The following NRG3 variants were observed in gnomAD, a reference collection of about 807,000 sequenced individuals.
NRG3 encodes pro-neuregulin-3, membrane-bound isoform.
In NRG3, 31 loss-of-function variants were observed where a neutral mutation model predicts 66.9. The ratio of observed to expected loss-of-function variants is 0.46; its 90% CI spans 0.35 to 0.63. NRG3 has a LOEUF of 0.63. Ranked by LOEUF, NRG3 falls within the 20% of genes least tolerant of loss-of-function variation. The pLI is 0.00. For missense variants in NRG3, 910 were observed against 878.9 expected (o/e 1.04, Z -0.45); for synonymous variants, 393 against 359.4 (o/e 1.09, Z -1.06).
chr10:82,675,206 C>T (rs561576236), intron 2 of NRG3, among the ~76,000 whole-genome samples: 1 of 152,220 alleles, frequency 6.6e-6, no homozygotes, highest in East Asian at 1.9e-4. Flanking sequence ...GTCCGCCCAC[C>T]TCGGCCTCCC....
chr10:82,872,235 T>C (rs1490950870), intron 4 of NRG3, among the ~76,000 whole-genome samples: 1 of 152,178 alleles, frequency 6.6e-6, no homozygotes, highest in Non-Finnish European at 1.5e-5. Flanking sequence ...CAACTTTGCA[T>C]ACCTGAGATA....
At chr10:82,336,376 A>G (rs2082386637) in intron 1 of NRG3, among the ~76,000 whole-genome samples, 1 of 152,160 alleles carries the variant, frequency 6.6e-6, no homozygotes, top group East Asian at 1.9e-4. Flanking sequence ...AGGGGAGCTC[A>G]TGGCTTCCAC....
Position 82,965,288 on chromosome 10 carries a change from T to C in NRG3, c.1284+6213T>C, listed in dbSNP as rs952710469. On this transcript the variant is annotated intron_variant, in intron 6 of 8. Coordinates refer to ENST00000372141, the MANE Select transcript of NRG3 (RefSeq NM_001010848.4). ...AATAACATAGAATCAACTGCCAGGC[T>C]TTGTAACATTGTAGAGGATGCTAAT... Among the ~76,000 whole-genome samples, 3 of 152,250 alleles carry C rather than the reference T, an allele frequency of 2.0e-5. No individual in the cohort carries two copies. The Middle Eastern group carries it at 0.01, about 521-fold the overall frequency.
At chr10:82,768,249 C>G (rs1248536796) in intron 3 of NRG3, among the ~76,000 whole-genome samples, 2 of 152,148 alleles carry the variant, frequency 1.3e-5, no homozygotes, top group Admixed American at 1.3e-4. Context: ...TTTTTAGTCT[C>G]AGACTTCTCT....
chr10:82,379,363 C>T (rs1035986477), intron 2 of NRG3, among the ~76,000 whole-genome samples: 1 of 151,938 alleles, frequency 6.6e-6, no homozygotes, highest in Admixed American at 6.6e-5. Context: ...GACAGAGGAG[C>T]AGCACTATTT....
intron 4 of NRG3, among the ~76,000 whole-genome samples, chr10:82,914,668 T>C (rs1591938956): frequency 6.6e-6 from 1 of 152,048 alleles, no homozygotes; most frequent in East Asian, 1.9e-4. Context: ...GGAAAGAAAG[T>C]GTTTTATTAT....
chr10:82,234,692 G>A (rs925828020), intron 1 of NRG3, among the ~76,000 whole-genome samples: 2 of 152,212 alleles, frequency 1.3e-5, no homozygotes, highest in Non-Finnish European at 2.9e-5. Flanking sequence ...AGCTACAGCA[G>A]GGACAGCATC....
intron 1 of NRG3, among the ~76,000 whole-genome samples, chr10:82,208,666 T>G (rs1252071561): frequency 1.3e-5 from 2 of 151,826 alleles, no homozygotes; most frequent in Non-Finnish European, 2.9e-5. Flanking sequence ...AAAAAAAAAC[T>G]ACAGGAACGT....
chr10:82,540,852 G>T lies in NRG3; in HGVS notation c.953+181984G>T, dbSNP rs892253039. Reference sequence around the variant, plus strand: ...AACTGAAAGATACATTAGATATGTTGACGTTCTAACCCCCAGTACCTCAGG... The same window carrying T: ...AACTGAAAGATACATTAGATATGTTTACGTTCTAACCCCCAGTACCTCAGG... On this transcript the variant is annotated intron_variant, in intron 2 of 8. Coordinates refer to ENST00000372141, the MANE Select transcript of NRG3 (RefSeq NM_001010848.4). 2.0e-5 allele frequency among the ~76,000 whole-genome samples: 3 copies of T among 152,278 alleles called. No individual in the cohort carries two copies. In the East Asian group the frequency reaches 5.8e-4, roughly 29 times the overall value.
At chr10:82,414,673 G>A (rs932539272) in intron 2 of NRG3, among the ~76,000 whole-genome samples, 3 of 152,122 alleles carry the variant, frequency 2.0e-5, no homozygotes, top group Non-Finnish European at 4.4e-5. Context: ...AGAAAGGAAT[G>A]AATAAATATG....
At chr10:82,760,147 G>A (rs962867414) in intron 3 of NRG3, among the ~76,000 whole-genome samples, 1 of 152,064 alleles carries the variant, frequency 6.6e-6, no homozygotes, top group South Asian at 2.1e-4. Context: ...CATGTAGCAT[G>A]GGAACCTTTT....
chr10:82,651,421 CT>C, intron 2 of NRG3, among the ~76,000 whole-genome samples: 1 of 152,338 alleles, frequency 6.6e-6, no homozygotes, highest in Middle Eastern at 3.4e-3. Flanking sequence ...AGGAATGAGA[CT>C]TCCAAGACTG....
At chr10:81,925,697 G>A (rs1319164024) in intron 1 of NRG3, among the ~76,000 whole-genome samples, 1 of 151,818 alleles carries the variant, frequency 6.6e-6, no homozygotes, top group African/African-American at 2.4e-5. Flanking sequence ...GAGCTTTAAT[G>A]GCTATTAATT....
intron 2 of NRG3, among the ~76,000 whole-genome samples, chr10:82,645,337 C>G (rs1054075141): frequency 6.6e-6 from 1 of 152,172 alleles, no homozygotes; most frequent in Non-Finnish European, 1.5e-5. Context: ...AATACCAGAT[C>G]AAGTGCATCA....
rs543330930 is a variant in NRG3 at position 82,756,820 on chromosome 10, G to GT, written c.1027+18183dup. 5.2e-3 allele frequency among the ~76,000 whole-genome samples: 736 copies of GT among 141,818 alleles called. 2 individuals are homozygous for GT. The highest frequency in any genetic ancestry group is 0.014 in the Middle Eastern group (4 of 276). The allele number at this position is 141,818 out of a possible 152,430, so 93.0% of individuals were successfully genotyped here. A position where few individuals can be genotyped will look rare whatever the true frequency, so the allele number is the denominator to read the frequency against. ...CACTTGCTGTGAACCAAGCACTACTGTTTTTTTTTTTTTCTTATTTGGAAA... is the reference window on the plus strand; with the variant it reads ...CACTTGCTGTGAACCAAGCACTACTGTTTTTTTTTTTTTTCTTATTTGGAAA... On this transcript the variant is annotated intron_variant, in intron 3 of 8. Transcript: ENST00000372141.
chr10:82,101,549 C>A (rs2066722469), intron 1 of NRG3, among the ~76,000 whole-genome samples: 1 of 151,616 alleles, frequency 6.6e-6, no homozygotes, highest in Non-Finnish European at 1.5e-5. Flanking sequence ...ATATTTAGAT[C>A]AAAATACTTT....
At chr10:82,945,985 G>A (rs987270679) in intron 4 of NRG3, among the ~76,000 whole-genome samples, 5 of 152,032 alleles carry the variant, frequency 3.3e-5, no homozygotes, top group African/African-American at 9.7e-5. Flanking sequence ...GAGAATTGAT[G>A]TAACATGAAC....
At chr10:82,214,768 C>G (rs2075578478) in intron 1 of NRG3, among the ~76,000 whole-genome samples, 1 of 152,134 alleles carries the variant, frequency 6.6e-6, no homozygotes, top group Admixed American at 6.5e-5. Context: ...CCATGACCAG[C>G]CCCATCACTT....
At chr10:82,437,687 C>T (rs2090215706) in intron 2 of NRG3, among the ~76,000 whole-genome samples, 1 of 152,028 alleles carries the variant, frequency 6.6e-6, no homozygotes, top group Admixed American at 6.6e-5. Flanking sequence ...TACTTTTGGT[C>T]TTTGAGGTTG....
Sources: allele counts gnomAD v4.1 joint callset (sites outside exome capture counted in the v4.1 genomes callset), GRCh38; gene constraint gnomAD v4.1.1; transcripts MANE v1.5; gene names NCBI Gene and HGNC (gene_info 2026-07-23, HGNC 2026-07-21).